OTOA: variants seen among roughly 807,000 people sequenced by gnomAD.
The protein encoded by OTOA is otoancorin.
In OTOA, 70 loss-of-function variants were observed where a neutral mutation model predicts 110.8. The ratio of observed to expected loss-of-function variants is 0.63; its 90% CI spans 0.52 to 0.77. The LOEUF (loss-of-function observed/expected upper bound fraction) is 0.77. OTOA is among the 30% of genes least tolerant of loss of function. The pLI is 0.00. For synonymous variants in OTOA, 373 were observed against 431.5 expected (o/e 0.86, Z 1.68); for missense variants, 917 against 1,075.8 (o/e 0.85, Z 2.06).
At chr16:21,706,264 A>G (rs1196394726) in intron 12 of OTOA, among the ~76,000 whole-genome samples, 1 of 152,170 alleles carries the variant, frequency 6.6e-6, no homozygotes, top group Non-Finnish European at 1.5e-5. Flanking sequence ...TGTTTGGATT[A>G]CAGGTGTGAG....
At chr16:21,736,950 G>A (rs547309233) in intron 22 of OTOA, among the ~76,000 whole-genome samples, 34 of 152,402 alleles carry the variant, frequency 2.2e-4, no homozygotes, top group Non-Finnish European at 4.1e-4. Context: ...TTGACTTAGA[G>A]GACCAACATG....
intron 21 of OTOA, 92 bp from the exon 22 acceptor site, chr16:21,736,169 C>T (rs1899287240): frequency 8.6e-7 from 1 of 1,167,456 alleles, no homozygotes; most frequent in African/African-American, 1.5e-5. Flanking sequence ...AGAATGAAGG[C>T]AGTAAGTAGT....
chr16:21,714,239 CCTTTCTTTCTTTTTTCTTT>C (rs1898447613), intron 13 of OTOA, among the ~76,000 whole-genome samples: 1 of 131,238 alleles, frequency 7.6e-6, no homozygotes, highest in African/African-American at 2.9e-5. Flanking sequence ...TTCTTTCTTT[CCTTTCTTTCTTTTTTCTTT>C]CTTTCTTTCT....
At chr16:21,684,173 G>T (rs1191862240) in intron 6 of OTOA, among the ~76,000 whole-genome samples, 1 of 151,828 alleles carries the variant, frequency 6.6e-6, no homozygotes, top group Non-Finnish European at 1.5e-5. Context: ...AAATTTAACT[G>T]AGCATCCTGT....
chr16:21,749,629 C>A (rs1899761164), intron 24 of OTOA, among the ~76,000 whole-genome samples: 1 of 139,182 alleles, frequency 7.2e-6, no homozygotes, highest in Admixed American at 7.2e-5. Context: ...GTCTCCTCAT[C>A]TTTGCCTTGT....
In OTOA at chr16:21,760,633, A is replaced by C. The variant is rs963706884; in HGVS notation, c.*93A>C. The C allele has an allele frequency of 4.4e-6, 5 of 1,146,612 alleles. No individual in the cohort carries two copies. In the African/African-American group the frequency reaches 7.4e-5, roughly 17 times the overall value. The allele number at this position is 1,146,612 out of a possible 1,614,324, so 71.0% of individuals were successfully genotyped here. A position where few individuals can be genotyped will look rare whatever the true frequency, so the allele number is the denominator to read the frequency against. ...CAGATGGTGGGACACCCTTCCCTGG[A>C]TCCAGACCCTCATCTAGGGCAGGGA... On this transcript the variant is annotated 3_prime_UTR_variant, in exon 29 of 29. Transcript: ENST00000646100.
chr16:21,678,864 T>C (rs765503180), intron 2 of OTOA, 51 bp from the exon 3 acceptor site: 6 of 1,600,456 alleles, frequency 3.7e-6, no homozygotes, highest in Non-Finnish European at 5.1e-6. Flanking sequence ...TTTGTAGTTT[T>C]GAAGGTCACA....
At chr16:21,680,324 C>T (rs1411789077) in intron 5 of OTOA, among the ~76,000 whole-genome samples, 1 of 151,936 alleles carries the variant, frequency 6.6e-6, no homozygotes, top group Non-Finnish European at 1.5e-5. Flanking sequence ...CCAGCCTGGC[C>T]AACATAGTGA....
At chr16:21,695,234 C>T (rs535094085) in intron 9 of OTOA, among the ~76,000 whole-genome samples, 24 of 145,300 alleles carry the variant, frequency 1.7e-4, no homozygotes, top group Non-Finnish European at 2.7e-4. Context: ...ACCCCCCCCC[C>T]CCATACAAAA....
At position 21,707,593 on chromosome 16, in the gene OTOA, TTTTCTTTCTTTCTTTCTTTC is replaced by T. The variant is rs58214995; in HGVS notation, c.1105-2249_1105-2230del. Among the ~76,000 whole-genome samples the T allele has an allele frequency of 6.9e-3, 651 of 94,104 alleles. 8 individuals carry two copies. The highest frequency in any genetic ancestry group is 0.019 in the African/African-American group (447 of 23,718). The allele number at this position is 94,104 out of a possible 152,430, so 61.7% of individuals were successfully genotyped here. A position where few individuals can be genotyped will look rare whatever the true frequency, so the allele number is the denominator to read the frequency against. ...CCCTCCCTACCTTCCTTCTCCTTCC[TTTTCTTTCTTTCTTTCTTTC>T]TTTCTTTCTTTCTTTCTTTCTTTCT... On this transcript the variant is annotated intron_variant, in intron 12 of 28. Coordinates refer to ENST00000646100, the MANE Select transcript of OTOA (RefSeq NM_144672.4).
At chr16:21,727,960 G>T (rs951301466) in intron 19 of OTOA, among the ~76,000 whole-genome samples, 1 of 151,936 alleles carries the variant, frequency 6.6e-6, no homozygotes, top group South Asian at 2.1e-4. Context: ...TGCCTCCCGG[G>T]TTCAAGCAAT....
chr16:21,676,455 A>AGG (rs1567361713), intron 1 of OTOA, among the ~76,000 whole-genome samples: 1 of 152,142 alleles, frequency 6.6e-6, no homozygotes, highest in Non-Finnish European at 1.5e-5. Flanking sequence ...ACTTTAGCCT[A>AGG]GGGCTAATTT....
intron 10 of OTOA, among the ~76,000 whole-genome samples, chr16:21,700,276 C>T (rs1198217724): frequency 6.6e-6 from 1 of 152,166 alleles, no homozygotes; most frequent in East Asian, 1.9e-4. Flanking sequence ...TTGTGGACCA[C>T]ATTCTCTGAC....
At chr16:21,697,661 T>A (rs1369306577) in intron 9 of OTOA, 114 bp from the exon 10 acceptor site, 1 of 970,196 alleles carries the variant, frequency 1.0e-6, no homozygotes, top group African/African-American at 1.6e-5. Flanking sequence ...AATAACGAAT[T>A]AATGAATGCA....
At chr16:21,668,427 T>C (rs972994254) in intron 1 of OTOA, among the ~76,000 whole-genome samples, 3 of 151,200 alleles carry the variant, frequency 2.0e-5, no homozygotes, top group African/African-American at 7.3e-5. Context: ...TTTTATTTTA[T>C]GGTATTTTTT....
chr16:21,677,450 A>G (rs1387968483), intron 1 of OTOA, among the ~76,000 whole-genome samples: 1 of 136,286 alleles, frequency 7.3e-6, no homozygotes, highest in East Asian at 2.1e-4. Flanking sequence ...CCATTTTTAC[A>G]TCTGTTTTTA....
intron 28 of OTOA, among the ~76,000 whole-genome samples, chr16:21,758,221 T>G (rs535174820): frequency 6.6e-6 from 1 of 152,104 alleles, no homozygotes; most frequent in South Asian, 2.1e-4. Context: ...TTGTGATAAC[T>G]TCTGTTCTTA....
chr16:21,751,974 TA>T lies in OTOA; in HGVS notation c.2816del (p.Tyr939SerfsTer6). The T allele has an allele frequency of 2.7e-6, 1 of 376,022 alleles. No individual in the cohort carries two copies. Among genetic ancestry groups the T allele is most frequent in the African/African-American group, 2.8e-5 (1 of 35,162 alleles). The allele number at this position is 376,022 out of a possible 1,614,324, so 23.3% of individuals were successfully genotyped here. The part of the protein sequence containing the change: ...ILQGYLDDSG[Y>X]SIQDLKSFHL... ...GCAAGGGTACCTGGATGATTCAGGA[TA>T]CAGTATCCAGGACCTGAAGAGCTTT... On this transcript the variant is annotated frameshift_variant, in exon 25 of 29. Transcript: ENST00000646100. LOFTEE classifies it high-confidence loss of function.
chr16:21,707,625 C>CTTTCTTTCTTTCTTTCTTTCT (rs1567379397), intron 12 of OTOA, among the ~76,000 whole-genome samples: 3 of 95,424 alleles, frequency 3.1e-5, no homozygotes, highest in African/African-American at 9.4e-5. Context: ...TTCTTTCTTT[C>CTTTCTTTCTTTCTTTCTTTCT]TTTCTTTCTT....
Sources: allele counts gnomAD v4.1 joint callset (sites outside exome capture counted in the v4.1 genomes callset), GRCh38; gene constraint gnomAD v4.1.1; transcripts MANE v1.5; gene names NCBI Gene and HGNC (gene_info 2026-07-23, HGNC 2026-07-21).